NLGN4Y: variants seen among roughly 807,000 people sequenced by gnomAD.
NLGN4Y encodes the protein neuroligin-4, Y-linked.
In NLGN4Y, 4 loss-of-function variants were observed where a neutral mutation model predicts 8.4. The ratio of observed to expected loss-of-function variants is 0.48; its 90% confidence interval spans 0.23 to 1.09. The LOEUF (loss-of-function observed/expected upper bound fraction) is 1.09, where lower values mean the gene tolerates loss of function less well. NLGN4Y is among the 50% of genes least tolerant of loss of function. The pLI is 0.19. For synonymous variants in NLGN4Y, 35 were observed against 75.6 expected, an observed-to-expected ratio of 0.46 and a Z score of 2.78; for missense variants, 90 against 192.3, an observed-to-expected ratio of 0.47 and a Z score of 3.15.
intron 1 of NLGN4Y, among the ~76,000 whole-genome samples, chrY:14,573,511 C>T (rs2080283264): frequency 3.0e-5 from 1 of 32,806 alleles, no homozygotes; most frequent in East Asian, 7.9e-4. Context: ...GTCTTGCTAA[C>T]GGTCTGTCAG....
chrY:14,769,276 T>A (rs2081100596), intron 4 of NLGN4Y, among the ~76,000 whole-genome samples: 1 of 33,885 alleles, frequency 3.0e-5, no homozygotes, highest in South Asian at 6.6e-4. Context: ...AATGATGGAA[T>A]TAAATTTATT....
chrY:14,701,455 A>G, intron 2 of NLGN4Y, among the ~76,000 whole-genome samples: 1 of 33,579 alleles, frequency 3.0e-5, no homozygotes, highest in African/African-American at 1.2e-4. Flanking sequence ...TTTTGGCATA[A>G]AACAGCACAA....
chrY:14,661,615 G>A, intron 2 of NLGN4Y, among the ~76,000 whole-genome samples: 5 of 33,378 alleles, frequency 1.5e-4, no homozygotes. Context: ...CACTTTCCCA[G>A]GTGAAAATGG....
intron 4 of NLGN4Y, among the ~76,000 whole-genome samples, chrY:14,757,163 G>T (rs2081063764): frequency 6.7e-5 from 2 of 29,858 alleles, no homozygotes; most frequent in South Asian, 7.5e-4. Context: ...TTTAGTTTTT[G>T]TGTGTGTGTG....
intron 4 of NLGN4Y, among the ~76,000 whole-genome samples, chrY:14,739,932 C>T (rs1056776843): frequency 1.3e-4 from 4 of 31,631 alleles, no homozygotes; most frequent in Admixed American, 8.8e-4. Flanking sequence ...TTAAATAAAC[C>T]GAGTAACATA....
chrY:14,542,694 C>T (rs2080154060), intron 1 of NLGN4Y, among the ~76,000 whole-genome samples: 1 of 32,971 alleles, frequency 3.0e-5, no homozygotes, highest in Non-Finnish European at 7.4e-5. Flanking sequence ...ATATGTATTG[C>T]GGCACTATTC....
At chrY:14,626,018 T>C in intron 2 of NLGN4Y, among the ~76,000 whole-genome samples, 1 of 33,996 alleles carries the variant, frequency 2.9e-5, no homozygotes, top group Non-Finnish European at 7.3e-5. Context: ...GCTTTCTCTC[T>C]GTATCCTTGG....
chrY:14,789,329 A>G, intron 4 of NLGN4Y, among the ~76,000 whole-genome samples: 1 of 32,987 alleles, frequency 3.0e-5, no homozygotes, highest in Non-Finnish European at 7.4e-5. Flanking sequence ...ATAACTGTGG[A>G]GAATTAACCA....
At chrY:14,641,969 C>A in intron 2 of NLGN4Y, among the ~76,000 whole-genome samples, 2 of 33,669 alleles carry the variant, frequency 5.9e-5, no homozygotes, top group Non-Finnish European at 1.5e-4. Context: ...TCCATGATTA[C>A]GTTATATAAG....
At chrY:14,745,362 A>T in intron 4 of NLGN4Y, among the ~76,000 whole-genome samples, 1 of 33,572 alleles carries the variant, frequency 3.0e-5, no homozygotes, top group Non-Finnish European at 7.4e-5. Context: ...CATCACAGTC[A>T]TGGCTCTGCA....
intron 4 of NLGN4Y, among the ~76,000 whole-genome samples, chrY:14,820,360 G>A: frequency 3.0e-5 from 1 of 32,957 alleles, no homozygotes; most frequent in Admixed American, 2.8e-4. Flanking sequence ...AAATGGAGTG[G>A]AGGGCCATAC....
At chrY:14,750,495 G>A (rs1603503515) in intron 4 of NLGN4Y, among the ~76,000 whole-genome samples, 2 of 33,165 alleles carry the variant, frequency 6.0e-5, no homozygotes, top group Middle Eastern at 0.014. Flanking sequence ...TTTAATTAGC[G>A]GGAAGTAGAA....
At chrY:14,626,765 G>A (rs2080529589) in intron 2 of NLGN4Y, among the ~76,000 whole-genome samples, 1 of 33,190 alleles carries the variant, frequency 3.0e-5, no homozygotes, top group Non-Finnish European at 7.4e-5. Context: ...CCCTGAGCTA[G>A]ACACAGAGTG....
At chrY:14,539,456 C>T in intron 1 of NLGN4Y, among the ~76,000 whole-genome samples, 1 of 32,755 alleles carries the variant, frequency 3.1e-5, no homozygotes, top group African/African-American at 1.2e-4. Flanking sequence ...GACTCAATGG[C>T]AAATGACTGT....
At chrY:14,636,867 A>G in intron 2 of NLGN4Y, among the ~76,000 whole-genome samples, 1 of 33,483 alleles carries the variant, frequency 3.0e-5, no homozygotes, top group South Asian at 6.6e-4. Flanking sequence ...CTTAAGTTCT[A>G]GAAGTTGAAT....
chrY:14,578,130 C>T, intron 1 of NLGN4Y, among the ~76,000 whole-genome samples: 11 of 31,496 alleles, frequency 3.5e-4, no homozygotes, highest in African/African-American at 1.4e-3. Context: ...GTGTTGATGA[C>T]GCGTTGATGG....
intron 1 of NLGN4Y, among the ~76,000 whole-genome samples, chrY:14,525,395 C>A (rs773926925): frequency 6.2e-5 from 2 of 32,198 alleles, no homozygotes; most frequent in South Asian, 7.4e-4. Flanking sequence ...TAGGAGGTGG[C>A]GGCGGGATTT....
chrY:14,686,049 C>T (rs2080789141), intron 2 of NLGN4Y, among the ~76,000 whole-genome samples: 1 of 32,814 alleles, frequency 3.0e-5, no homozygotes. Context: ...CCAAGGAATA[C>T]CCAACTCCTG....
chrY:14,699,177 T>C, intron 2 of NLGN4Y, among the ~76,000 whole-genome samples: 1 of 33,245 alleles, frequency 3.0e-5, no homozygotes, highest in Non-Finnish European at 7.5e-5. Context: ...GAGGACTGGG[T>C]CCTCTCTTAA....
Sources: gnomAD v4.1 joint callset for allele counts (sites outside exome capture counted in the v4.1 genomes callset) on GRCh38, gnomAD v4.1.1 for gene constraint, MANE v1.5 for transcripts, NCBI Gene and HGNC (gene_info 2026-07-23, HGNC 2026-07-21) for gene names.